The following TNFSF13B variants were observed in gnomAD, a reference collection of about 807,000 sequenced individuals.
The protein encoded by TNFSF13B is TNF superfamily member 13b, also known as tumor necrosis factor ligand superfamily member 13B.
A neutral mutation model predicts 29.1 loss-of-function variants in TNFSF13B; 8 were observed. The ratio of observed to expected loss-of-function variants is 0.27; its 90% CI spans 0.16 to 0.50. TNFSF13B has a LOEUF of 0.50. Ranked by LOEUF, TNFSF13B falls within the 20% of genes least tolerant of loss-of-function variation. The pLI is 0.98. For missense variants in TNFSF13B, 248 were observed against 334.9 expected (o/e 0.74, Z 2.03); for synonymous variants, 125 against 130.8 (o/e 0.96, Z 0.30).
intron 2 of TNFSF13B, among the ~76,000 whole-genome samples, chr13:108,286,434 A>G: frequency 6.6e-6 from 1 of 152,118 alleles, no homozygotes; most frequent in East Asian, 1.9e-4. Flanking sequence ...GATTTTTTAA[A>G]ACCAAAGATT....
chr13:108,283,709 T>C (rs1195864429), intron 2 of TNFSF13B, among the ~76,000 whole-genome samples: 1 of 152,176 alleles, frequency 6.6e-6, no homozygotes, highest in African/African-American at 2.4e-5. Context: ...TTTCTCCCAG[T>C]TCAGGGGGCC....
intron 2 of TNFSF13B, among the ~76,000 whole-genome samples, chr13:108,283,242 C>G (rs1387609614): frequency 6.6e-6 from 1 of 152,170 alleles, no homozygotes; most frequent in African/African-American, 2.4e-5. Context: ...AAGCGAATTG[C>G]CTTGGAAAAG....
chr13:108,284,009 T>C (rs1173218724), intron 2 of TNFSF13B, among the ~76,000 whole-genome samples: 1 of 152,174 alleles, frequency 6.6e-6, no homozygotes, highest in Non-Finnish European at 1.5e-5. Flanking sequence ...ACTGAAGTTT[T>C]TGGGAAACAG....
At chr13:108,299,244 G>C (rs1425424517) in intron 3 of TNFSF13B, among the ~76,000 whole-genome samples, 1 of 145,802 alleles carries the variant, frequency 6.9e-6, no homozygotes, top group Non-Finnish European at 1.5e-5. Context: ...TGGTAGAAAA[G>C]TGATTCGCTA....
chr13:108,289,186 T>C (rs956710553), intron 3 of TNFSF13B, among the ~76,000 whole-genome samples: 2 of 151,794 alleles, frequency 1.3e-5, no homozygotes, highest in Admixed American at 6.6e-5. Context: ...ATGCTATAAA[T>C]TGCACCAAAT....
At chr13:108,271,560 T>G (rs1233758735) in intron 2 of TNFSF13B, among the ~76,000 whole-genome samples, 1 of 152,056 alleles carries the variant, frequency 6.6e-6, no homozygotes, top group Non-Finnish European at 1.5e-5. Context: ...GTTTCTTATT[T>G]TATAAAACCA....
In TNFSF13B at chr13:108,270,110, T is replaced by TG; in HGVS notation, c.216dup (p.Gln73AlafsTer44). On this transcript the variant is annotated frameshift_variant, in exon 1 of 6. Transcript: ENST00000375887. LOFTEE classifies it high-confidence loss of function. ...GTGTCTTTCTACCAGGTGGCCGCCC[T>TG]GCAAGGGGACCTGGCCAGCCTCCGG... The TG allele has an allele frequency of 6.2e-7, 1 of 1,603,074 alleles. No individual in the cohort carries two copies. Among genetic ancestry groups the TG allele is most frequent in the Non-Finnish European group, 8.5e-7 (1 of 1,179,934 alleles).
intron 2 of TNFSF13B, among the ~76,000 whole-genome samples, chr13:108,284,356 GAATAAATA>G (rs201687174): frequency 2.2e-4 from 24 of 108,004 alleles, no homozygotes; most frequent in African/African-American, 6.4e-4. Flanking sequence ...ATAAATAAAT[GAATAAATA>G]AACAAACAAA....
At chr13:108,303,188 A>G in intron 3 of TNFSF13B, 65 bp from the exon 4 acceptor site, 1 of 1,060,526 alleles carries the variant, frequency 9.4e-7, no homozygotes, top group Non-Finnish European at 1.4e-6. Context: ...TAGCTTAACA[A>G]CTAAATGGAG....
chr13:108,277,033 G>A (rs936495588), intron 2 of TNFSF13B, among the ~76,000 whole-genome samples: 1 of 152,080 alleles, frequency 6.6e-6, no homozygotes, highest in African/African-American at 2.4e-5. Flanking sequence ...ATCACCCACT[G>A]TTTCTGCAAA....
At chr13:108,304,478 G>T (rs1224149) in intron 5 of TNFSF13B, among the ~76,000 whole-genome samples, 117,024 of 152,102 alleles carry the variant, frequency 0.77, 45,289 homozygotes, top group East Asian at 0.92. Context: ...GGCAGATCTT[G>T]TAAACTTTAG....
At chr13:108,292,010 A>G (rs1881329148) in intron 3 of TNFSF13B, among the ~76,000 whole-genome samples, 1 of 152,104 alleles carries the variant, frequency 6.6e-6, no homozygotes. Context: ...CATAAAATTA[A>G]ATGCACAATT....
intron 3 of TNFSF13B, chr13:108,302,696 A>G (rs895417455): frequency 2.5e-6 from 1 of 408,042 alleles, no homozygotes; most frequent in Non-Finnish European, 3.3e-6. Context: ...AAACTCAAAT[A>G]TCATAGATGG....
At chr13:108,305,728 A>G (rs75937648) in intron 5 of TNFSF13B, among the ~76,000 whole-genome samples, 1,813 of 152,272 alleles carry the variant, frequency 0.012, 13 homozygotes, top group Non-Finnish European at 0.017. Flanking sequence ...ATTACAAAAA[A>G]GCATACCCAG....
chr13:108,271,856 C>T (rs899901786), intron 2 of TNFSF13B, among the ~76,000 whole-genome samples: 19 of 151,780 alleles, frequency 1.3e-4, no homozygotes, highest in African/African-American at 4.4e-4. Flanking sequence ...TGGTTATTTC[C>T]ATTCTCTTTG....
intron 2 of TNFSF13B, among the ~76,000 whole-genome samples, chr13:108,272,153 T>C (rs537962691): frequency 3.3e-5 from 5 of 152,264 alleles, no homozygotes; most frequent in African/African-American, 1.2e-4. Flanking sequence ...TGTTGCTTGT[T>C]TACTAATATG....
In TNFSF13B at chr13:108,276,500, T is replaced by C. The variant is rs142076699; in HGVS notation, c.424+6076T>C. Among the ~76,000 whole-genome samples the C allele has an allele frequency of 4.2e-3, 646 of 152,328 alleles. 2 individuals carry two copies. The highest frequency in any genetic ancestry group is 7.0e-3 in the Non-Finnish European group (479 of 68,028). On this transcript the variant is annotated intron_variant, in intron 2 of 5. Transcript: ENST00000375887. ...TCAGTCAACACAGCCAAATGTGATA[T>C]TGTGTCTCTTTTACACAATCTTACA...
chr13:108,284,347 TAAATAAATGAATAAATAAACAA>T (rs1399329868), intron 2 of TNFSF13B, among the ~76,000 whole-genome samples: 1 of 133,348 alleles, frequency 7.5e-6, no homozygotes, highest in African/African-American at 2.5e-5. Flanking sequence ...AATAAATAAA[TAAATAAATGAATAAATAAACAA>T]ACAAACAAAC....
intron 2 of TNFSF13B, among the ~76,000 whole-genome samples, chr13:108,283,229 C>A (rs1325754950): frequency 6.6e-6 from 1 of 152,150 alleles, no homozygotes; most frequent in Non-Finnish European, 1.5e-5. Context: ...ATCAAATTTC[C>A]TAAAGCGAAT....
Sources: gnomAD v4.1 joint callset for allele counts (sites outside exome capture counted in the v4.1 genomes callset) on GRCh38, gnomAD v4.1.1 for gene constraint, MANE v1.5 for transcripts, NCBI Gene and HGNC (gene_info 2026-07-23, HGNC 2026-07-21) for gene names.